RASGRF2: variants seen among roughly 807,000 people sequenced by gnomAD.
RASGRF2 encodes the protein ras-specific guanine nucleotide-releasing factor 2.
A neutral mutation model predicts 151.0 loss-of-function variants in RASGRF2; 76 were observed. The observed-to-expected ratio is 0.50, with a 90% CI of 0.42 to 0.61. The LOEUF (loss-of-function observed/expected upper bound fraction) is 0.61, where lower values mean the gene tolerates loss of function less well. Among genes scored for constraint, RASGRF2 ranks in the 20% least tolerant of loss-of-function variants. The pLI, the probability that RASGRF2 is intolerant of heterozygous loss-of-function variation, is 0.00. For missense variants in RASGRF2, 1,148 were observed against 1,564.6 expected (o/e 0.73, Z 4.49); for synonymous variants, 504 against 566.5 (o/e 0.89, Z 1.57).
intron 26 of RASGRF2, among the ~76,000 whole-genome samples, chr5:81,220,382 A>T (rs888845828): frequency 1.3e-5 from 2 of 152,240 alleles, no homozygotes; most frequent in African/African-American, 2.4e-5. Flanking sequence ...AAAACTGAGA[A>T]GGTAGTAGAG....
intron 9 of RASGRF2, among the ~76,000 whole-genome samples, chr5:81,089,651 G>A (rs1017946959): frequency 6.6e-6 from 1 of 152,170 alleles, no homozygotes; most frequent in African/African-American, 2.4e-5. Flanking sequence ...AGTGTCTGAG[G>A]CAATGATAGG....
intron 1 of RASGRF2, among the ~76,000 whole-genome samples, chr5:81,035,099 A>G (rs1750434340): frequency 6.6e-6 from 1 of 152,142 alleles, no homozygotes; most frequent in African/African-American, 2.4e-5. Context: ...TGACCCAGCC[A>G]TCCCATTACT....
chr5:81,166,519 G>A (rs1000006670), intron 17 of RASGRF2, among the ~76,000 whole-genome samples: 3 of 152,120 alleles, frequency 2.0e-5, no homozygotes, highest in Non-Finnish European at 4.4e-5. Context: ...AAAAGCCCTT[G>A]TCTGCTTACA....
At position 80,961,145 on chromosome 5, in the gene RASGRF2, C is replaced by A. The variant is rs143632743; in HGVS notation, c.288+119C>A. The A allele has an allele frequency of 9.5e-4, 1,104 of 1,165,236 alleles. 11 individuals are homozygous for A. The African/African-American group carries it at 0.015, about 16-fold the overall frequency. 72.2% of individuals were successfully genotyped at this position (1,165,236 alleles called of 1,614,324 possible). On this transcript the variant is annotated intron_variant, in intron 1 of 26. Coordinates refer to ENST00000265080, the MANE Select transcript of RASGRF2 (RefSeq NM_006909.3). Reference sequence around the variant, plus strand: ...GAGTGCGGGGACTATGCTCCGAAATCCCCCCGCGTCACCAGTGGCGGGACA... The same window carrying A: ...GAGTGCGGGGACTATGCTCCGAAATACCCCCGCGTCACCAGTGGCGGGACA...
chr5:81,112,086 C>T (rs79969435), intron 13 of RASGRF2, among the ~76,000 whole-genome samples: 10,044 of 152,168 alleles, frequency 0.066, 352 homozygotes, highest in South Asian at 0.12. Flanking sequence ...TATTTACCTC[C>T]TCCATTATTA....
At chr5:81,011,070 A>G (rs1055964370) in intron 1 of RASGRF2, among the ~76,000 whole-genome samples, 21 of 152,198 alleles carry the variant, frequency 1.4e-4, no homozygotes, top group African/African-American at 4.8e-4. Context: ...TGGTATACTC[A>G]TTATGGCTAA....
At chr5:81,001,716 C>T (rs1374804472) in intron 1 of RASGRF2, among the ~76,000 whole-genome samples, 1 of 152,184 alleles carries the variant, frequency 6.6e-6, no homozygotes, top group African/African-American at 2.4e-5. Flanking sequence ...CAATTGTACC[C>T]TGACTTGTAT....
chr5:81,163,547 C>G (rs1402776009), intron 17 of RASGRF2, among the ~76,000 whole-genome samples: 1 of 152,164 alleles, frequency 6.6e-6, no homozygotes, highest in Admixed American at 6.5e-5. Context: ...AAACTCACTA[C>G]TTTACAATAT....
At chr5:81,107,559 T>G (rs1752879266) in intron 12 of RASGRF2, among the ~76,000 whole-genome samples, 2 of 152,120 alleles carry the variant, frequency 1.3e-5, no homozygotes, top group South Asian at 4.2e-4. Context: ...CTGCTAATTT[T>G]GAGGCTCACT....
In RASGRF2 at chr5:80,960,966, G is replaced by T. The variant is rs192968774; in HGVS notation, c.228G>T (p.Thr76=). The stretch of plus-strand genomic sequence containing the variant: ...TGGAGGGCTGCAGCTGCGAACGAAC[G>T]CCCGCGCCACCCAGGGCCGGCGCCG... ...YLLEGCSCER[T]PAPPRAGAGQ... Residue 76 remains threonine (T), a synonymous_variant, in exon 1 of 27, where the codon ACG becomes ACT. Coordinates refer to ENST00000265080, the MANE Select transcript of RASGRF2 (RefSeq NM_006909.3). This position sits in a 1 kb window ranked among gnomAD's most constrained non-coding sequence, Gnocchi z 5.5. 1.9e-4 allele frequency: 298 copies of T among 1,563,812 alleles called. 4 individuals are homozygous for T. In the African/African-American group the frequency reaches 3.4e-3, roughly 18 times the overall value.
intron 17 of RASGRF2, among the ~76,000 whole-genome samples, chr5:81,164,230 A>G (rs916740502): frequency 1.3e-5 from 2 of 152,232 alleles, no homozygotes; most frequent in Non-Finnish European, 2.9e-5. Flanking sequence ...CAGAGCTGAC[A>G]TAAATTTGAG....
At chr5:81,058,984 TTTGCCTG>T (rs2112432303) in intron 2 of RASGRF2, among the ~76,000 whole-genome samples, 1 of 152,248 alleles carries the variant, frequency 6.6e-6, no homozygotes, top group African/African-American at 2.4e-5. Flanking sequence ...CTGTAATCTT[TTTGCCTG>T]GATTATTATT....
intron 17 of RASGRF2, among the ~76,000 whole-genome samples, chr5:81,153,608 T>G (rs1037038943): frequency 6.6e-6 from 1 of 152,232 alleles, no homozygotes; most frequent in African/African-American, 2.4e-5. Context: ...AAATATATGT[T>G]GTTTTAAACC....
At chr5:81,173,682 T>C (rs1754709134) in intron 17 of RASGRF2, among the ~76,000 whole-genome samples, 1 of 152,138 alleles carries the variant, frequency 6.6e-6, no homozygotes, top group African/African-American at 2.4e-5. Flanking sequence ...TCTAGATTGG[T>C]TCAATGGGCA....
intron 9 of RASGRF2, chr5:81,087,856 G>A (rs2112491578): frequency 6.3e-6 from 1 of 158,798 alleles, no homozygotes; most frequent in African/African-American, 2.4e-5. Context: ...TATTTGTGTT[G>A]CCATTGCCTA....
At chr5:80,971,093 T>C (rs562945256) in intron 1 of RASGRF2, among the ~76,000 whole-genome samples, 3 of 152,346 alleles carry the variant, frequency 2.0e-5, no homozygotes, top group Admixed American at 1.3e-4. Flanking sequence ...TTTCAAAATG[T>C]AGCGTACATC....
intron 1 of RASGRF2, among the ~76,000 whole-genome samples, chr5:81,002,677 TA>T (rs935927311): frequency 6.6e-6 from 1 of 152,216 alleles, no homozygotes; most frequent in African/African-American, 2.4e-5. Flanking sequence ...CAAGACTGTA[TA>T]AATAAGATGA....
At chr5:81,165,176 CAA>C (rs1754477384) in intron 17 of RASGRF2, among the ~76,000 whole-genome samples, 1 of 152,114 alleles carries the variant, frequency 6.6e-6, no homozygotes, top group South Asian at 2.1e-4. Context: ...TACAATACCT[CAA>C]GTCTTGTGGT....
intron 5 of RASGRF2, among the ~76,000 whole-genome samples, chr5:81,075,349 G>A (rs1308372684): frequency 6.6e-6 from 1 of 152,196 alleles, no homozygotes; most frequent in Non-Finnish European, 1.5e-5. Flanking sequence ...GCACAGCAGA[G>A]AAGGGGCTGT....
Sources: allele counts gnomAD v4.1 joint callset (sites outside exome capture counted in the v4.1 genomes callset), GRCh38; gene constraint gnomAD v4.1.1; non-coding constraint Gnocchi (gnomAD v3.1); transcripts MANE v1.5; gene names NCBI Gene and HGNC (gene_info 2026-07-23, HGNC 2026-07-21).